CFAP61: variants seen among roughly 807,000 people sequenced by gnomAD.
CFAP61 encodes the protein cilia- and flagella-associated protein 61.
Under a neutral mutation model 135.6 loss-of-function variants are expected in CFAP61, and 107 were observed. The ratio of observed to expected loss-of-function variants is 0.79; its 90% CI spans 0.67 to 0.93. The LOEUF (loss-of-function observed/expected upper bound fraction) is 0.93. Ranked by LOEUF, CFAP61 falls within the 40% of genes least tolerant of loss-of-function variation. The pLI is 0.00. For missense variants in CFAP61, 1,507 were observed against 1,556.2 expected (o/e 0.97, Z 0.53); for synonymous variants, 575 against 578.5 (o/e 0.99, Z 0.09).
rs532565064 is a variant in CFAP61, at chr20:20,058,232, C to CT, written c.143+1437dup. ...CAGTAGGGCAATAGTTATAAAATGC[C>CT]TAAAAAATAGATATACCAATGAAAT... On this transcript the variant is annotated intron_variant, in intron 2 of 26. Transcript: ENST00000245957. 3.1e-4 allele frequency among the ~76,000 whole-genome samples: 46 copies of CT among 148,618 alleles called. No homozygotes were observed. The East Asian group carries it at 0.012, about 40-fold the overall frequency.
chr20:20,218,991 T>C (rs1008779213), intron 17 of CFAP61, among the ~76,000 whole-genome samples: 6 of 152,216 alleles, frequency 3.9e-5, no homozygotes, highest in African/African-American at 9.6e-5. Flanking sequence ...ACTTTACCAA[T>C]CTGAAACTAG....
At position 20,288,695 on chromosome 20, in the gene CFAP61, T is replaced by C; in HGVS notation, c.2883T>C (p.Leu961=). 4 of 1,614,096 alleles carry C rather than the reference T, an allele frequency of 2.5e-6. No homozygotes were observed. Among genetic ancestry groups the C allele is most frequent in the Non-Finnish European group, 3.4e-6 (4 of 1,179,956 alleles). ...CATGTCTTGTGTATGACAGTCGACT[T>C]GTGATTGATACCAACTTCCACACCA... ...NDACLVYDSR[L]VIDTNFHTND... is the part of the protein sequence containing the mutation. The change falls in exon 23 of 27, where the codon CTT becomes CTC. Residue 961 remains leucine (L), a synonymous_variant. Coordinates refer to ENST00000245957, the MANE Select transcript of CFAP61 (RefSeq NM_015585.4).
chr20:20,079,135 A>T (rs2046258209), intron 6 of CFAP61, among the ~76,000 whole-genome samples: 1 of 152,182 alleles, frequency 6.6e-6, no homozygotes. Context: ...CTGCCCAGAC[A>T]TTGGCCTCTC....
intron 17 of CFAP61, chr20:20,200,832 G>A: frequency 1.0e-6 from 1 of 985,458 alleles, no homozygotes; most frequent in Non-Finnish European, 1.2e-6. Context: ...TGTCTTACTT[G>A]TGCGTGCACT....
intron 8 of CFAP61, among the ~76,000 whole-genome samples, chr20:20,120,725 G>A (rs2049545243): frequency 6.6e-6 from 1 of 152,154 alleles, no homozygotes; most frequent in South Asian, 2.1e-4. Flanking sequence ...ACTGAGAGTG[G>A]AGTGTTGAAG....
chr20:20,072,810 T>C (rs1211116874), intron 3 of CFAP61, among the ~76,000 whole-genome samples: 1 of 152,120 alleles, frequency 6.6e-6, no homozygotes, highest in African/African-American at 2.4e-5. Flanking sequence ...AAAAAAAGAG[T>C]GTAAAATATC....
At chr20:20,072,885 ATTAAC>A (rs2146572571) in intron 3 of CFAP61, among the ~76,000 whole-genome samples, 1 of 152,356 alleles carries the variant, frequency 6.6e-6, no homozygotes, top group Admixed American at 6.5e-5. Flanking sequence ...TAGGTTAAAT[ATTAAC>A]TTAAATATTA....
At chr20:20,171,924 C>A in intron 13 of CFAP61, 1 of 535,002 alleles carries the variant, frequency 1.9e-6, no homozygotes, top group Non-Finnish European at 3.4e-6. Context: ...CACATTGCAG[C>A]CCACAGGGAA....
intron 18 of CFAP61, among the ~76,000 whole-genome samples, chr20:20,236,380 C>T (rs1024203974): frequency 3.3e-5 from 5 of 152,182 alleles, no homozygotes; most frequent in African/African-American, 4.8e-5. Flanking sequence ...TTGGCAGTCT[C>T]ATCTATAAGG....
chr20:20,057,492 A>T (rs2044453902), intron 2 of CFAP61, among the ~76,000 whole-genome samples: 1 of 152,190 alleles, frequency 6.6e-6, no homozygotes, highest in African/African-American at 2.4e-5. Flanking sequence ...GGTGGCCACT[A>T]TCATGTCCAT....
intron 8 of CFAP61, among the ~76,000 whole-genome samples, chr20:20,101,788 G>A (rs1283379877): frequency 6.6e-6 from 1 of 151,912 alleles, no homozygotes; most frequent in Non-Finnish European, 1.5e-5. Context: ...ACCACACCCA[G>A]CTAATTTTTT....
intron 18 of CFAP61, among the ~76,000 whole-genome samples, chr20:20,236,857 C>T (rs2049630988): frequency 6.6e-6 from 1 of 152,150 alleles, no homozygotes; most frequent in Non-Finnish European, 1.5e-5. Flanking sequence ...CAAGGGCTTT[C>T]TGGCTTGTCT....
At chr20:20,130,075 G>C (rs960046363) in intron 8 of CFAP61, among the ~76,000 whole-genome samples, 1 of 151,602 alleles carries the variant, frequency 6.6e-6, no homozygotes, top group Non-Finnish European at 1.5e-5. Flanking sequence ...AGATCATGAG[G>C]TCAGGAGTTT....
intron 18 of CFAP61, among the ~76,000 whole-genome samples, chr20:20,230,718 A>G (rs1250764487): frequency 6.6e-6 from 1 of 151,582 alleles, no homozygotes; most frequent in East Asian, 1.9e-4. Context: ...ACCATGCCCG[A>G]CTCATTTTTG....
chr20:20,128,727 T>C (rs751187759), intron 8 of CFAP61, among the ~76,000 whole-genome samples: 19 of 151,804 alleles, frequency 1.3e-4, no homozygotes, highest in Non-Finnish European at 2.8e-4. Context: ...TGATCCAAAC[T>C]ATTGCTTACT....
chr20:20,077,449 C>T (rs940424181), intron 6 of CFAP61, among the ~76,000 whole-genome samples: 6 of 152,060 alleles, frequency 3.9e-5, no homozygotes, highest in African/African-American at 7.2e-5. Context: ...ATTCTAGCAG[C>T]GACAGGTCAC....
intron 25 of CFAP61, among the ~76,000 whole-genome samples, chr20:20,303,026 T>C (rs2056204596): frequency 6.6e-6 from 1 of 152,226 alleles, no homozygotes. Flanking sequence ...TTATTTTAAA[T>C]AATGAAAACT....
intron 8 of CFAP61, among the ~76,000 whole-genome samples, chr20:20,106,699 T>C (rs570911715): frequency 2.6e-5 from 4 of 152,262 alleles, no homozygotes; most frequent in African/African-American, 9.6e-5. Context: ...AGTTCAAGAG[T>C]GTATTTGACT....
chr20:20,105,808 G>GTTTTTTTT (rs11087305), intron 8 of CFAP61, among the ~76,000 whole-genome samples: 4 of 140,848 alleles, frequency 2.8e-5, no homozygotes, highest in Non-Finnish European at 6.2e-5. Context: ...ATTTTTTTGA[G>GTTTTTTTT]TTTTTTTTTT....
Sources: allele counts gnomAD v4.1 joint callset (sites outside exome capture counted in the v4.1 genomes callset), GRCh38; gene constraint gnomAD v4.1.1; transcripts MANE v1.5; gene names NCBI Gene and HGNC (gene_info 2026-07-23, HGNC 2026-07-21).